Variants in CAPS2 observed in about 807,000 individuals in gnomAD.
CAPS2 encodes calcyphosine 2, also known as calcyphosin-2.
A neutral mutation model predicts 86.5 loss-of-function variants in CAPS2; 98 were observed. The ratio of observed to expected loss-of-function variants is 1.13; its 90% CI spans 0.96 to 1.34. CAPS2 has a LOEUF of 1.34. CAPS2 is among the 40% of genes most tolerant of loss of function. The probability of loss-of-function intolerance (pLI) is 0.00; values close to 1 mark genes in which losing one functional copy is unlikely to be tolerated. For synonymous variants in CAPS2, 210 were observed against 225.1 expected, an observed-to-expected ratio of 0.93 and a Z score of 0.60; for missense variants, 729 against 686.8, an observed-to-expected ratio of 1.06 and a Z score of -0.69.
At chr12:75,284,832 G>A (rs891584476) in intron 15 of CAPS2, 129 bp downstream of exon 15, 3 of 823,034 alleles carry the variant, frequency 3.6e-6, no homozygotes, top group African/African-American at 1.8e-5. Flanking sequence ...CCTGTTTTCT[G>A]TTTTACTAAA....
intron 1 of CAPS2, among the ~76,000 whole-genome samples, chr12:75,379,716 C>G (rs1259415136): frequency 1.3e-5 from 2 of 152,104 alleles, no homozygotes; most frequent in Non-Finnish European, 2.9e-5. Flanking sequence ...TGCTGAATCA[C>G]TTCAAAATAT....
At chr12:75,298,107 C>T (rs1325086378) in intron 11 of CAPS2, 1 of 152,972 alleles carries the variant, frequency 6.5e-6, no homozygotes, top group East Asian at 1.9e-4. Context: ...GTGGATAGTG[C>T]TGTATTTTAC....
At chr12:75,355,181 A>G (rs955350474) in intron 1 of CAPS2, among the ~76,000 whole-genome samples, 1 of 152,258 alleles carries the variant, frequency 6.6e-6, no homozygotes, top group Non-Finnish European at 1.5e-5. Flanking sequence ...CTATCATCAG[A>G]GTAAACAAGC....
exon 17 of CAPS2, chr12:75,278,026 C>T: frequency 1.1e-6 from 1 of 893,060 alleles, no homozygotes; most frequent in Non-Finnish European, 1.3e-6. Context: ...GCAATAATTA[C>T]TGAACTATTC....
chr12:75,289,748 C>A, exon 14 of CAPS2: 1 of 1,612,348 alleles, frequency 6.2e-7, no homozygotes, highest in Non-Finnish European at 8.5e-7. Flanking sequence ...ACGAACACCT[C>A]TTTTATGTAG....
At chr12:75,329,567 A>G (rs1383804512), upstream of CAPS2, among the ~76,000 whole-genome samples, 1 of 151,914 alleles carries the variant, frequency 6.6e-6, no homozygotes, top group Non-Finnish European at 1.5e-5. Flanking sequence ...TATGTTACTT[A>G]TATCAAATCA....
chr12:75,374,935 T>C (rs1263189426), intron 1 of CAPS2, among the ~76,000 whole-genome samples: 5 of 152,212 alleles, frequency 3.3e-5, no homozygotes, highest in Non-Finnish European at 5.9e-5. Flanking sequence ...CCAAGATCCA[T>C]TTATCTTCTG....
intron 6 of CAPS2, 115 bp from the exon 7 acceptor site, chr12:75,313,030 A>G: frequency 3.6e-6 from 2 of 560,608 alleles, no homozygotes; most frequent in Non-Finnish European, 3.2e-6. Context: ...TTAGATATAG[A>G]TGGAAATAGA....
exon 17 of CAPS2, chr12:75,278,512 C>G (rs1397722228): frequency 2.0e-6 from 2 of 989,596 alleles, no homozygotes; most frequent in Non-Finnish European, 2.4e-6. Flanking sequence ...TGTGAAAGGA[C>G]AGGAAACTTG....
intron 1 of CAPS2, chr12:75,373,985 ACAGT>A (rs1426235259): frequency 6.6e-6 from 1 of 152,230 alleles, no homozygotes. Flanking sequence ...TTGATGACCC[ACAGT>A]CAAACGTTCA....
At chr12:75,358,898 AATTATAT>A (rs200557765) in intron 1 of CAPS2, among the ~76,000 whole-genome samples, 3,735 of 141,182 alleles carry the variant, frequency 0.026, 87 homozygotes, top group East Asian at 0.038. Flanking sequence ...TATTACATAT[AATTATAT>A]ATTATATTAG....
intron 1 of CAPS2, among the ~76,000 whole-genome samples, chr12:75,381,768 C>G (rs2045003505): frequency 6.6e-6 from 1 of 151,864 alleles, no homozygotes; most frequent in Admixed American, 6.6e-5. Flanking sequence ...GCATGTGTCA[C>G]CATGCCCAGC....
At chr12:75,384,173 C>T (rs1042033786) in intron 1 of CAPS2, among the ~76,000 whole-genome samples, 5 of 151,800 alleles carry the variant, frequency 3.3e-5, no homozygotes, top group African/African-American at 1.2e-4. Flanking sequence ...GAACAGAAAT[C>T]AATAAAATTG....
chr12:75,354,186 AG>A (rs2043000398), intron 1 of CAPS2, among the ~76,000 whole-genome samples: 1 of 151,734 alleles, frequency 6.6e-6, no homozygotes, highest in Non-Finnish European at 1.5e-5. Flanking sequence ...GTATTCAAAT[AG>A]GAAAAGAGGA....
intron 11 of CAPS2, chr12:75,294,958 C>T (rs1298081752): frequency 2.0e-5 from 3 of 152,238 alleles, no homozygotes; most frequent in African/African-American, 4.8e-5. Flanking sequence ...TAAATAACCT[C>T]CTCACTGGGG....
intron 16 of CAPS2, among the ~76,000 whole-genome samples, chr12:75,279,382 T>C (rs759889958): frequency 6.6e-6 from 1 of 151,910 alleles, no homozygotes; most frequent in African/African-American, 2.4e-5. Context: ...ACTGGTCAGA[T>C]AACACTGAAA....
chr12:75,323,541 C>G (rs745899886), intron 2 of CAPS2, among the ~76,000 whole-genome samples: 1 of 152,090 alleles, frequency 6.6e-6, no homozygotes, highest in Non-Finnish European at 1.5e-5. Context: ...GTCGGGAGAT[C>G]GAGACCAGCC....
intron 1 of CAPS2, 107 bp from the exon 3 acceptor site, chr12:75,325,395 C>G: frequency 4.3e-6 from 4 of 920,862 alleles, no homozygotes; most frequent in Non-Finnish European, 6.2e-6. Context: ...TATAATTTTT[C>G]TCAGTAAATT....
At chr12:75,310,685 A>C (rs1473629677) in intron 7 of CAPS2, among the ~76,000 whole-genome samples, 2 of 152,120 alleles carry the variant, frequency 1.3e-5, no homozygotes, top group Non-Finnish European at 2.9e-5. Context: ...TGCTTTGGTC[A>C]GTTACACACA....
Sources: gnomAD v4.1 joint callset for allele counts (sites outside exome capture counted in the v4.1 genomes callset) on GRCh38, gnomAD v4.1.1 for gene constraint, MANE v1.5 for transcripts, NCBI Gene and HGNC (gene_info 2026-07-23, HGNC 2026-07-21) for gene names.